FMN2: variants seen among roughly 807,000 people sequenced by gnomAD.
FMN2 encodes formin 2.
FMN2 carries 51 observed loss-of-function variants against 142.3 expected under a neutral mutation model. The ratio of observed to expected loss-of-function variants is 0.36; its 90% CI spans 0.29 to 0.45. The LOEUF is 0.45. Ranked by LOEUF, FMN2 falls within the 20% of genes least tolerant of loss-of-function variation. FMN2 has a pLI of 1.00. For synonymous variants in FMN2, 882 were observed against 869.8 expected (o/e 1.01, Z -0.25); for missense variants, 1,936 against 2,122.8 (o/e 0.91, Z 1.73).
intron 16 of FMN2, among the ~76,000 whole-genome samples, chr1:240,441,989 C>T (rs1675636837): frequency 6.6e-6 from 1 of 152,084 alleles, no homozygotes. Context: ...ACAGTCAAAC[C>T]TCAGAAGGGC....
intron 2 of FMN2, among the ~76,000 whole-genome samples, chr1:240,141,085 G>A (rs184890434): frequency 6.6e-6 from 1 of 152,044 alleles, no homozygotes; most frequent in Non-Finnish European, 1.5e-5. Flanking sequence ...CATACTATTG[G>A]TAGTTAATGG....
rs573692846 is a variant in FMN2, at chr1:240,331,862, A to C, written c.4584+1113A>C. ...TCTAACACAAAGCCTATTTTATAAT[A>C]AAGTGCTGAATATCTCATGTAATTT... On this transcript the variant is annotated intron_variant, in intron 11 of 17. Coordinates refer to ENST00000319653, the MANE Select transcript of FMN2 (RefSeq NM_020066.5). 1.7e-4 allele frequency among the ~76,000 whole-genome samples: 26 copies of C among 152,298 alleles called. 1 individual carries two copies. In the Middle Eastern group the frequency reaches 0.014, roughly 80 times the overall value.
intron 7 of FMN2, among the ~76,000 whole-genome samples, chr1:240,283,961 T>A (rs1404390240): frequency 6.6e-6 from 1 of 152,172 alleles, no homozygotes; most frequent in Non-Finnish European, 1.5e-5. Context: ...GCATTGTGCA[T>A]TTCTTCTTGT....
intron 13 of FMN2, among the ~76,000 whole-genome samples, chr1:240,339,229 G>C (rs1671666717): frequency 6.6e-6 from 1 of 152,118 alleles, no homozygotes; most frequent in African/African-American, 2.4e-5. Context: ...TTGGTTATCA[G>C]ATCAACAGAT....
chr1:240,114,698 G>A (rs1047017446), intron 1 of FMN2, among the ~76,000 whole-genome samples: 31 of 138,862 alleles, frequency 2.2e-4, no homozygotes, highest in African/African-American at 5.8e-4. Context: ...ACACTCTGTC[G>A]CCAGACTGGA....
chr1:240,135,431 G>A lies in FMN2; in HGVS notation c.1782+12086G>A, dbSNP rs142403032. ...ATTTATTTCATAAAGAATATAATAA[G>A]TGGATATGTATCCAGAAGTTCCTAC... On this transcript the variant is annotated intron_variant, in intron 2 of 17. Transcript: ENST00000319653. Among the ~76,000 whole-genome samples, 782 of 152,194 alleles carry A rather than the reference G, an allele frequency of 5.1e-3. 3 individuals are homozygous for A. The highest frequency in any genetic ancestry group is 0.031 in the South Asian group (150 of 4,820).
chr1:240,401,174 A>G (rs978537505), intron 15 of FMN2: 1 of 151,026 alleles, frequency 6.6e-6, no homozygotes, highest in Non-Finnish European at 1.5e-5. Context: ...ACAGATCCTC[A>G]CTGTATTTTA....
At chr1:240,216,857 G>A (rs959666251) in intron 6 of FMN2, among the ~76,000 whole-genome samples, 17 of 152,206 alleles carry the variant, frequency 1.1e-4, no homozygotes, top group African/African-American at 3.6e-4. Context: ...GCTGAGGCAG[G>A]AGAATTGCTT....
At position 240,107,423 on chromosome 1, in the gene FMN2, A is replaced by C. The variant is rs148703143; in HGVS notation, c.1615+13699A>C. Among the ~76,000 whole-genome samples the C allele has an allele frequency of 7.6e-3, 1,156 of 152,288 alleles. 13 individuals carry two copies. The highest frequency in any genetic ancestry group is 0.026 in the African/African-American group (1,067 of 41,564). On this transcript the variant is annotated intron_variant, in intron 1 of 17. Coordinates refer to ENST00000319653, the MANE Select transcript of FMN2 (RefSeq NM_020066.5). The stretch of plus-strand genomic sequence containing the variant: ...ATATTTATTTAAAACTCTTCAACCA[A>C]GTGATTTTAGAAGCTGCCATTTATT...
intron 8 of FMN2, among the ~76,000 whole-genome samples, chr1:240,311,529 G>A (rs553693549): frequency 6.6e-6 from 1 of 152,026 alleles, no homozygotes; most frequent in East Asian, 1.9e-4. Context: ...CGTGCTTAAG[G>A]TGAATTTCAG....
At position 240,360,653 on chromosome 1, in the gene FMN2, G is replaced by T. The variant is rs76147693; in HGVS notation, c.4858+4745G>T. 2.8e-3 allele frequency among the ~76,000 whole-genome samples: 422 copies of T among 152,236 alleles called. 2 individuals carry two copies. Among genetic ancestry groups the T allele is most frequent in the African/African-American group, 9.6e-3 (398 of 41,538 alleles). ...ATACTTGATTATTAGAGGAATGATT[G>T]GGGGGTGAGAGAGTTTACGTATGTT... On this transcript the variant is annotated intron_variant, in intron 14 of 17. Coordinates refer to ENST00000319653, the MANE Select transcript of FMN2 (RefSeq NM_020066.5).
intron 10 of FMN2, 95 bp from the exon 11 acceptor site, chr1:240,330,508 C>G: frequency 7.5e-7 from 1 of 1,329,520 alleles, no homozygotes; most frequent in Non-Finnish European, 1.0e-6. Context: ...ACCCAAAACT[C>G]CTAATATAAT....
intron 13 of FMN2, among the ~76,000 whole-genome samples, chr1:240,337,640 C>T (rs1483842989): frequency 1.3e-5 from 2 of 152,126 alleles, no homozygotes; most frequent in Non-Finnish European, 1.5e-5. Context: ...ATAAGGTAAA[C>T]ATAGAATAAG....
At chr1:240,433,977 A>G (rs1451824836) in intron 15 of FMN2, among the ~76,000 whole-genome samples, 1 of 152,148 alleles carries the variant, frequency 6.6e-6, no homozygotes, top group African/African-American at 2.4e-5. Flanking sequence ...TGTAGCTATC[A>G]TTTTAGAGCT....
At chr1:240,119,058 G>T (rs1040211728) in intron 1 of FMN2, among the ~76,000 whole-genome samples, 1 of 151,706 alleles carries the variant, frequency 6.6e-6, no homozygotes, top group African/African-American at 2.4e-5. Context: ...GGCCGGGCGT[G>T]GTGGCTCACA....
At chr1:240,446,690 C>A (rs1162407220) in intron 16 of FMN2, among the ~76,000 whole-genome samples, 1 of 152,124 alleles carries the variant, frequency 6.6e-6, no homozygotes, top group African/African-American at 2.4e-5. Flanking sequence ...AAGTACAGAC[C>A]TGTTGAATTT....
chr1:240,129,108 A>G (rs1662632184), intron 2 of FMN2, among the ~76,000 whole-genome samples: 1 of 152,114 alleles, frequency 6.6e-6, no homozygotes, highest in Non-Finnish European at 1.5e-5. Context: ...TCCTGACCTC[A>G]GGTGATCCAC....
In FMN2 at chr1:240,365,500, C is replaced by T. The variant is rs558588863; in HGVS notation, c.4858+9592C>T. Among the ~76,000 whole-genome samples the T allele has an allele frequency of 5.3e-5, 8 of 152,198 alleles. No individual in the cohort carries two copies. In the South Asian group the frequency reaches 1.5e-3, roughly 28 times the overall value. Reference sequence around the variant, plus strand: ...GTTTTAGATACACACATACATACAACATAAAATTTTGTACTATATTCATTT... The same window carrying T: ...GTTTTAGATACACACATACATACAATATAAAATTTTGTACTATATTCATTT... On this transcript the variant is annotated intron_variant, in intron 14 of 17. Transcript: ENST00000319653.
chr1:240,225,859 T>C lies in FMN2; in HGVS notation c.4065+14624T>C, dbSNP rs149245226. 5.7e-3 allele frequency among the ~76,000 whole-genome samples: 868 copies of C among 152,236 alleles called. 13 individuals are homozygous for C. Among genetic ancestry groups the C allele is most frequent in the African/African-American group, 0.02 (826 of 41,536 alleles). On this transcript the variant is annotated intron_variant, in intron 6 of 17. Coordinates refer to ENST00000319653, the MANE Select transcript of FMN2 (RefSeq NM_020066.5). ...CAAGTAGGGAATATCAATAAATAGA[T>C]TGACATTATAAAATAATTCTAGAGT... is the stretch of plus-strand genomic sequence containing the variant.
Sources: gnomAD v4.1 joint callset for allele counts (sites outside exome capture counted in the v4.1 genomes callset) on GRCh38, gnomAD v4.1.1 for gene constraint, MANE v1.5 for transcripts, NCBI Gene and HGNC (gene_info 2026-07-23, HGNC 2026-07-21) for gene names.